BNIP5: variants seen among roughly 807,000 people sequenced by gnomAD.
BNIP5 encodes BCL2 interacting protein 5, also known as protein BNIP5.
In BNIP5, 61 loss-of-function variants were observed where a neutral mutation model predicts 67.3. That is an observed-to-expected ratio of 0.91 (90% CI 0.74 to 1.12). BNIP5 has a LOEUF of 1.12. Ranked by LOEUF, BNIP5 falls within the 50% of genes most tolerant of loss-of-function variation. BNIP5 has a pLI of 0.00. For missense variants in BNIP5, 826 were observed against 816.3 expected, an observed-to-expected ratio of 1.01 and a Z score of -0.14; for synonymous variants, 317 against 319.0, an observed-to-expected ratio of 0.99 and a Z score of 0.07.
chr6:36,322,506 C>G, intron 8 of BNIP5, 64 bp from the exon 9 acceptor site: 1 of 1,548,386 alleles, frequency 6.5e-7, no homozygotes, highest in Non-Finnish European at 8.7e-7. Flanking sequence ...TGACAAGAAG[C>G]TGTTCGGAGG....
intron 6 of BNIP5, 118 bp downstream of exon 6, chr6:36,325,165 C>G (rs907613356): frequency 8.7e-7 from 1 of 1,147,742 alleles, no homozygotes; most frequent in African/African-American, 1.5e-5. Context: ...GCCTGCTGTA[C>G]TCAGAGGGAG....
At chr6:36,320,399 C>A (rs1420704639) in intron 10 of BNIP5, among the ~76,000 whole-genome samples, 1 of 152,192 alleles carries the variant, frequency 6.6e-6, no homozygotes, top group Non-Finnish European at 1.5e-5. Flanking sequence ...GGGTCTCTAT[C>A]CACCAACTCC....
intron 7 of BNIP5, 105 bp from the exon 8 acceptor site, chr6:36,323,638 G>A: frequency 2.3e-6 from 3 of 1,319,338 alleles, no homozygotes; most frequent in Non-Finnish European, 3.2e-6. Context: ...GTTGCCCAGA[G>A]AAGAGTGGTT....
intron 1 of BNIP5, among the ~76,000 whole-genome samples, chr6:36,336,134 T>C (rs1772012996): frequency 6.6e-6 from 1 of 152,122 alleles, no homozygotes; most frequent in African/African-American, 2.4e-5. Context: ...GCCTCTACAT[T>C]CCCATCCAAG....
rs770387524 is a variant in BNIP5, at chr6:36,323,291, A to G, written c.1471+2T>C. 3.7e-6 allele frequency: 6 copies of G among 1,614,168 alleles called. No individual in the cohort carries two copies. Among genetic ancestry groups the G allele is most frequent in the East Asian group, 2.2e-5 (1 of 44,884 alleles). On this transcript the variant is annotated splice_donor_variant, in intron 8 of 11. Coordinates refer to ENST00000437635, the MANE Select transcript of BNIP5 (RefSeq NM_001010903.5). LOFTEE classifies it high-confidence loss of function. ...TACCATGGCAACACCAGGCCTGCTCACCAAGGCTGCTGGAGGTGGAGGGCC... is the reference window on the plus strand; with the variant it reads ...TACCATGGCAACACCAGGCCTGCTCGCCAAGGCTGCTGGAGGTGGAGGGCC...
Position 36,317,377 on chromosome 6 carries a change from A to C in BNIP5, c.1938T>G (p.Pro646=). ...GCTTTCAATCTGGACTTTCAACCTT[A>C]GGACTTGTGATGTTCTGGGAAGAGA... ...YREDQPNITS[P]KVESPD is the part of the protein sequence containing the mutation. Residue 646 remains proline (P), a synonymous_variant, in exon 12 of 12, where the codon CCT becomes CCG. Transcript: ENST00000437635. 6.2e-7 allele frequency: 1 copy of C among 1,613,512 alleles called. No homozygotes were observed. Among genetic ancestry groups the C allele is most frequent in the Non-Finnish European group, 8.5e-7 (1 of 1,179,430 alleles).
chr6:36,320,341 C>T (rs940882002), intron 10 of BNIP5, among the ~76,000 whole-genome samples: 10 of 152,170 alleles, frequency 6.6e-5, no homozygotes, highest in African/African-American at 9.7e-5. Context: ...CTTGGGAGCT[C>T]GCTGAGAGCA....
intron 10 of BNIP5, among the ~76,000 whole-genome samples, chr6:36,320,173 A>G (rs1471309204): frequency 1.3e-5 from 2 of 152,332 alleles, no homozygotes; most frequent in Non-Finnish European, 2.9e-5. Context: ...TAATAACTAA[A>G]TGGGTTCCCC....
intron 5 of BNIP5, 57 bp downstream of exon 5, chr6:36,326,453 G>C: frequency 6.2e-7 from 1 of 1,603,284 alleles, no homozygotes; most frequent in Non-Finnish European, 8.5e-7. Flanking sequence ...CCCCAGGGAA[G>C]GTTCCAGAGC....
At chr6:36,328,994 G>A (rs1470535971) in intron 2 of BNIP5, among the ~76,000 whole-genome samples, 1 of 152,192 alleles carries the variant, frequency 6.6e-6, no homozygotes, top group Non-Finnish European at 1.5e-5. Context: ...AGTGCTGCAA[G>A]GCAGAGCCCC....
Position 36,322,391 on chromosome 6 carries a change from A to G in BNIP5, c.1523T>C (p.Val508Ala), listed in dbSNP as rs183904711. Reference sequence around the variant, plus strand: ...CTGGGAGGGTGCTTCTGAGATCACAACTGGCTCCCCTTCTGCGGGCAGGGG... The same window carrying G: ...CTGGGAGGGTGCTTCTGAGATCACAGCTGGCTCCCCTTCTGCGGGCAGGGG... ...REPLPAEGEP[V>A]VISEAPSQAR... Residue 508 changes from valine to alanine, a missense_variant, in exon 9 of 12, where the codon GTT becomes GCT. Physicochemically the swap from Val to Ala is moderately conservative, Grantham distance 64. Coordinates refer to ENST00000437635, the MANE Select transcript of BNIP5 (RefSeq NM_001010903.5). 1 of 1,614,108 alleles carries G rather than the reference A, an allele frequency of 6.2e-7. No individual in the cohort carries two copies. Among genetic ancestry groups the G allele is most frequent in the East Asian group, 2.2e-5 (1 of 44,880 alleles).
At chr6:36,320,565 C>T (rs773463593) in intron 10 of BNIP5, among the ~76,000 whole-genome samples, 1 of 152,218 alleles carries the variant, frequency 6.6e-6, no homozygotes, top group African/African-American at 2.4e-5. Flanking sequence ...AAGAGAGGCA[C>T]CCAGAGCGTC....
At chr6:36,322,287 G>A in intron 9 of BNIP5, 24 bp downstream of exon 9, 1 of 1,613,716 alleles carries the variant, frequency 6.2e-7, no homozygotes, top group Non-Finnish European at 8.5e-7. Flanking sequence ...AAGCTGTCCA[G>A]GTAAGAGCAG....
chr6:36,324,023 C>A, intron 7 of BNIP5, 106 bp downstream of exon 7: 10 of 803,390 alleles, frequency 1.2e-5, no homozygotes, highest in Non-Finnish European at 1.9e-5. Context: ...AAAGGAGGGA[C>A]TGGAGCAGGA....
chr6:36,319,404 T>C lies in BNIP5; in HGVS notation c.1875A>G (p.Leu625=). Residue 625 remains leucine (L), a synonymous_variant, in exon 11 of 12, where the codon CTA becomes CTG. Coordinates refer to ENST00000437635, the MANE Select transcript of BNIP5 (RefSeq NM_001010903.5). ...ACTGGGTGCAATTGTAGTGGTCTCT[T>C]AGGCCCATGAGGATGCACATGGCAT... The part of the protein sequence containing the change: ...NSHAMCILMG[L]RDHYNCTQFP... The C allele has an allele frequency of 6.2e-7, 1 of 1,614,156 alleles. No individual in the cohort carries two copies. The highest frequency in any genetic ancestry group is 8.5e-7 in the Non-Finnish European group (1 of 1,180,014).
chr6:36,325,546 C>A, intron 5 of BNIP5, 132 bp from the exon 6 acceptor site: 1 of 1,124,218 alleles, frequency 8.9e-7, no homozygotes, highest in East Asian at 2.4e-5. Flanking sequence ...TGGAAGACAG[C>A]TGCTGGGCAG....
chr6:36,330,153 G>C lies in BNIP5; in HGVS notation c.538C>G (p.Arg180Gly). The change falls in exon 2 of 12, where the codon CGA becomes GGA. Residue 180 changes from arginine to glycine, a missense_variant. Coordinates refer to ENST00000437635, the MANE Select transcript of BNIP5 (RefSeq NM_001010903.5). ...KAAQDQEARG[R>G]EEGLSKAAAA... Reference sequence around the variant, plus strand: ...GCTGCCTTGGACAACCCTTCCTCTCGGCCTCTGGCCTCCTGGTCTTGAGCT... The same window carrying C: ...GCTGCCTTGGACAACCCTTCCTCTCCGCCTCTGGCCTCCTGGTCTTGAGCT... 1.2e-6 allele frequency: 2 copies of C among 1,613,616 alleles called. No homozygotes were observed. Among genetic ancestry groups the C allele is most frequent in the Non-Finnish European group, 1.7e-6 (2 of 1,180,016 alleles).
At chr6:36,333,980 C>T (rs1771959154) in intron 1 of BNIP5, among the ~76,000 whole-genome samples, 1 of 152,212 alleles carries the variant, frequency 6.6e-6, no homozygotes, top group Admixed American at 6.5e-5. Context: ...CCATGGGACC[C>T]ATCGCACGGA....
intron 5 of BNIP5, 39 bp downstream of exon 5, chr6:36,326,468 GGCA>G: frequency 6.2e-7 from 1 of 1,610,342 alleles, no homozygotes; most frequent in Non-Finnish European, 8.5e-7. Context: ...CAGAGCTGGA[GGCA>G]GCTGCAGGGT....
Sources: allele counts gnomAD v4.1 joint callset (sites outside exome capture counted in the v4.1 genomes callset), GRCh38; gene constraint gnomAD v4.1.1; transcripts MANE v1.5; gene names NCBI Gene and HGNC (gene_info 2026-07-23, HGNC 2026-07-21).